Variants in LRRC7 observed in about 807,000 individuals in gnomAD.
LRRC7 encodes the protein leucine rich repeat containing 7, also known as leucine-rich repeat-containing protein 7.
A neutral mutation model predicts 175.7 loss-of-function variants in LRRC7; 23 were observed. That is an observed-to-expected ratio of 0.13 (90% confidence interval 0.09 to 0.19). The LOEUF (loss-of-function observed/expected upper bound fraction) is 0.19. Among genes scored for constraint, LRRC7 ranks in the 10% least tolerant of loss-of-function variants. The pLI, the probability that LRRC7 is intolerant of heterozygous loss-of-function variation, is 1.00. For missense variants in LRRC7, 1,354 were observed against 1,904.7 expected, an observed-to-expected ratio of 0.71 and a Z score of 5.38; for synonymous variants, 685 against 680.9, an observed-to-expected ratio of 1.01 and a Z score of -0.09.
At chr1:69,834,395 T>C (rs909596541) in intron 5 of LRRC7, among the ~76,000 whole-genome samples, 10 of 152,158 alleles carry the variant, frequency 6.6e-5, no homozygotes, top group African/African-American at 2.4e-4. Context: ...TGCCTGACTA[T>C]ATATGTGAAT....
Position 69,916,402 on chromosome 1 carries a change from T to TA in LRRC7, c.648-15099dup, listed in dbSNP as rs575291056. Reference sequence around the variant, plus strand: ...ATATTTCTTTTATCATTTGAATTTTTAAAAAACCTATTATTGGAAATGTCA... The same window carrying TA: ...ATATTTCTTTTATCATTTGAATTTTTAAAAAAACCTATTATTGGAAATGTCA... On this transcript the variant is annotated intron_variant, in intron 7 of 26. Coordinates refer to ENST00000651989, the MANE Select transcript of LRRC7 (RefSeq NM_001370785.2). 3.1e-3 allele frequency among the ~76,000 whole-genome samples: 472 copies of TA among 149,960 alleles called. 2 individuals carry two copies. Among genetic ancestry groups the TA allele is most frequent in the African/African-American group, 0.011 (429 of 40,852 alleles).
At chr1:69,838,413 AAAAGTATGGT>A (rs1436321889) in intron 7 of LRRC7, 130 bp downstream of exon 7, 1 of 683,148 alleles carries the variant, frequency 1.5e-6, no homozygotes, top group Non-Finnish European at 2.7e-6. Context: ...CTAAAGGCCA[AAAAGTATGGT>A]ATACTGTAAA....
chr1:69,813,431 T>C (rs149266713), intron 4 of LRRC7, among the ~76,000 whole-genome samples: 2 of 152,236 alleles, frequency 1.3e-5, no homozygotes, highest in African/African-American at 2.4e-5. Context: ...CCATTGACTC[T>C]CCCTCTGTTC....
At chr1:69,858,000 A>G (rs1683898119) in intron 7 of LRRC7, among the ~76,000 whole-genome samples, 2 of 152,206 alleles carry the variant, frequency 1.3e-5, no homozygotes, top group African/African-American at 4.8e-5. Context: ...GAGAAAAACA[A>G]GAAATGGGGA....
At chr1:69,675,735 C>A (rs974923193) in intron 1 of LRRC7, among the ~76,000 whole-genome samples, 1 of 152,062 alleles carries the variant, frequency 6.6e-6, no homozygotes. Context: ...GTTCGCATAG[C>A]TAATCTTCAT....
At chr1:69,856,930 T>G (rs891447921) in intron 7 of LRRC7, among the ~76,000 whole-genome samples, 53 of 152,190 alleles carry the variant, frequency 3.5e-4, no homozygotes, top group Non-Finnish European at 1.2e-4. Context: ...CAAGTGGGCT[T>G]CATCCCTGGG....
chr1:69,910,120 A>G (rs868826231), intron 7 of LRRC7, among the ~76,000 whole-genome samples: 5 of 151,930 alleles, frequency 3.3e-5, no homozygotes, highest in Admixed American at 6.6e-5. Flanking sequence ...TTTCATCTCC[A>G]TCAGCTCCTT....
At chr1:69,977,886 C>G (rs77741332) in intron 8 of LRRC7, among the ~76,000 whole-genome samples, 36 of 152,316 alleles carry the variant, frequency 2.4e-4, no homozygotes, top group African/African-American at 7.9e-4. Flanking sequence ...ATAACATAAT[C>G]TAATCCACCC....
At chr1:69,600,819 T>C (rs1647033729) in intron 1 of LRRC7, among the ~76,000 whole-genome samples, 1 of 139,178 alleles carries the variant, frequency 7.2e-6, no homozygotes, top group Non-Finnish European at 1.5e-5. Context: ...TTTTTTTTTT[T>C]TTTTTTTTTG....
chr1:70,064,346 C>A (rs1333627274), intron 23 of LRRC7, among the ~76,000 whole-genome samples: 2 of 151,942 alleles, frequency 1.3e-5, no homozygotes, highest in East Asian at 3.8e-4. Flanking sequence ...ACAGTAGGCA[C>A]TGTACTAAGA....
intron 23 of LRRC7, among the ~76,000 whole-genome samples, chr1:70,071,609 T>G (rs1163231319): frequency 6.6e-6 from 1 of 152,198 alleles, no homozygotes. Context: ...TGCTAATTCC[T>G]CAAAATCAGT....
intron 4 of LRRC7, among the ~76,000 whole-genome samples, chr1:69,811,647 A>G (rs1250671218): frequency 6.6e-6 from 1 of 152,174 alleles, no homozygotes; most frequent in Non-Finnish European, 1.5e-5. Flanking sequence ...GGAAACCATC[A>G]TTCTCAGCAA....
intron 1 of LRRC7, among the ~76,000 whole-genome samples, chr1:69,636,486 A>C (rs1653386797): frequency 6.6e-6 from 1 of 151,902 alleles, no homozygotes; most frequent in South Asian, 2.1e-4. Flanking sequence ...GGAGGATTAA[A>C]GGCTATGGTT....
intron 1 of LRRC7, among the ~76,000 whole-genome samples, chr1:69,646,172 C>T (rs955970646): frequency 6.6e-6 from 1 of 151,806 alleles, no homozygotes; most frequent in Non-Finnish European, 1.5e-5. Flanking sequence ...TGTTTTTAAA[C>T]TCATTTTTGT....
At chr1:70,005,566 G>A (rs1178268109) in intron 11 of LRRC7, among the ~76,000 whole-genome samples, 1 of 152,148 alleles carries the variant, frequency 6.6e-6, no homozygotes, top group Non-Finnish European at 1.5e-5. Context: ...AGTCAATACA[G>A]CTGATTTCAA....
intron 3 of LRRC7, 59 bp downstream of exon 3, chr1:69,760,452 C>G: frequency 7.1e-7 from 1 of 1,416,568 alleles, no homozygotes. Flanking sequence ...TTTTCAAATA[C>G]TTTATTATAA....
chr1:69,704,468 G>T (rs1273876978), intron 2 of LRRC7, among the ~76,000 whole-genome samples: 1 of 151,878 alleles, frequency 6.6e-6, no homozygotes. Flanking sequence ...ACTTCCTAGT[G>T]ACTTCCGTTG....
chr1:69,911,253 C>T (rs988845566), intron 7 of LRRC7, among the ~76,000 whole-genome samples: 7 of 152,224 alleles, frequency 4.6e-5, no homozygotes, highest in African/African-American at 1.7e-4. Context: ...AACCCAGTAC[C>T]TCAGATGGAA....
intron 23 of LRRC7, among the ~76,000 whole-genome samples, chr1:70,064,196 T>C: frequency 6.6e-6 from 1 of 152,006 alleles, no homozygotes; most frequent in East Asian, 1.9e-4. Flanking sequence ...CTTCCATATA[T>C]TTGTGCAAGT....
Sources: allele counts gnomAD v4.1 joint callset (sites outside exome capture counted in the v4.1 genomes callset), GRCh38; gene constraint gnomAD v4.1.1; transcripts MANE v1.5; gene names NCBI Gene and HGNC (gene_info 2026-07-23, HGNC 2026-07-21).